The following STX8 variants were observed in gnomAD, a reference collection of about 807,000 sequenced individuals.
STX8 encodes the protein syntaxin-8.
Under a neutral mutation model 37.5 loss-of-function variants are expected in STX8, and 23 were observed. That is an observed-to-expected ratio of 0.61 (90% CI 0.44 to 0.87). The LOEUF is 0.87. Ranked by LOEUF, STX8 falls within the 40% of genes least tolerant of loss-of-function variation. The pLI, the probability that STX8 is intolerant of heterozygous loss-of-function variation, is 0.00. For missense variants in STX8, 313 were observed against 284.7 expected (o/e 1.10, Z -0.71); for synonymous variants, 115 against 99.1 (o/e 1.16, Z -0.95).
chr17:9,271,748 C>CAAA lies in STX8; in HGVS notation c.644-21106_644-21104dup, dbSNP rs71135959. ...CTGGCTATAGAGCAAGACTCCATCT[C>CAAA]AAAAAAAAAAAAAAAAAAAAGAAAG... On this transcript the variant is annotated intron_variant, in intron 7 of 7. Transcript: ENST00000306357. 7.1e-3 allele frequency among the ~76,000 whole-genome samples: 453 copies of CAAA among 63,424 alleles called. 3 individuals carry two copies. The highest frequency in any genetic ancestry group is 0.038 in the Middle Eastern group (4 of 106). The allele number at this position is 63,424 out of a possible 152,430, so 41.6% of individuals were successfully genotyped here.
At chr17:9,254,413 T>A (rs948370002) in intron 7 of STX8, among the ~76,000 whole-genome samples, 1 of 152,142 alleles carries the variant, frequency 6.6e-6, no homozygotes, top group African/African-American at 2.4e-5. Context: ...AAATCTTTTT[T>A]TTTTTTGAGA....
intron 4 of STX8, among the ~76,000 whole-genome samples, chr17:9,510,431 A>G (rs1479502571): frequency 6.6e-6 from 1 of 152,150 alleles, no homozygotes; most frequent in Non-Finnish European, 1.5e-5. Context: ...CAAGTATCCT[A>G]TTTAACCACA....
intron 4 of STX8, among the ~76,000 whole-genome samples, chr17:9,512,746 T>A (rs564475096): frequency 1.5e-4 from 23 of 152,288 alleles, no homozygotes; most frequent in African/African-American, 5.5e-4. Flanking sequence ...AGCCTACTCA[T>A]TTTTAACAGA....
intron 7 of STX8, among the ~76,000 whole-genome samples, chr17:9,363,767 C>T (rs1008064389): frequency 1.3e-5 from 2 of 152,198 alleles, no homozygotes; most frequent in African/African-American, 4.8e-5. Flanking sequence ...AAAGATTCTA[C>T]TCTGTGATCA....
At chr17:9,323,899 G>A (rs1391698705) in intron 7 of STX8, among the ~76,000 whole-genome samples, 1 of 152,152 alleles carries the variant, frequency 6.6e-6, no homozygotes, top group Non-Finnish European at 1.5e-5. Flanking sequence ...GCACGCAGGT[G>A]CTGGAGGTGA....
chr17:9,337,359 T>TA (rs1371756572), intron 7 of STX8, among the ~76,000 whole-genome samples: 1 of 151,974 alleles, frequency 6.6e-6, no homozygotes. Flanking sequence ...AGGGACCACT[T>TA]ACTCTCCTCT....
intron 7 of STX8, among the ~76,000 whole-genome samples, chr17:9,338,437 TAATTCCTTACTCATTTCA>T (rs1241245533): frequency 6.6e-6 from 1 of 152,086 alleles, no homozygotes; most frequent in East Asian, 1.9e-4. Context: ...CACTCCTGAG[TAATTCCTTACTCATTTCA>T]AACTACCAAG....
chr17:9,354,734 C>G (rs1350022899), intron 7 of STX8, among the ~76,000 whole-genome samples: 1 of 152,146 alleles, frequency 6.6e-6, no homozygotes, highest in Non-Finnish European at 1.5e-5. Context: ...CCTACTAAAT[C>G]TCATAACCTT....
chr17:9,470,984 C>T (rs1014850677), intron 6 of STX8, among the ~76,000 whole-genome samples: 13 of 146,652 alleles, frequency 8.9e-5, no homozygotes, highest in African/African-American at 3.0e-4. Context: ...CCACCTGCCT[C>T]GGCCTCCCAA....
intron 3 of STX8, among the ~76,000 whole-genome samples, chr17:9,546,683 C>T (rs112698256): frequency 6.9e-6 from 1 of 145,650 alleles, no homozygotes; most frequent in Admixed American, 7.1e-5. Flanking sequence ...CTGCAACCTC[C>T]GCCACCCGGG....
At chr17:9,422,973 G>A (rs1913497273) in intron 6 of STX8, among the ~76,000 whole-genome samples, 1 of 152,218 alleles carries the variant, frequency 6.6e-6, no homozygotes, top group Non-Finnish European at 1.5e-5. Flanking sequence ...CTCCTCAGAA[G>A]AATCAGGTAA....
intron 4 of STX8, among the ~76,000 whole-genome samples, chr17:9,516,298 C>CATATATATATATATATATAT (rs150682084): frequency 1.9e-5 from 1 of 51,718 alleles, no homozygotes; most frequent in African/African-American, 5.9e-5. Flanking sequence ...GAACCACAGT[C>CATATATATATATATATATAT]ATATATATAT....
intron 6 of STX8, among the ~76,000 whole-genome samples, chr17:9,386,902 T>C (rs1292475045): frequency 6.6e-6 from 1 of 152,162 alleles, no homozygotes; most frequent in African/African-American, 2.4e-5. Context: ...AGAGTTTCAC[T>C]CTTGTTGCCC....
intron 6 of STX8, among the ~76,000 whole-genome samples, chr17:9,439,073 T>G (rs941296929): frequency 1.3e-5 from 2 of 152,216 alleles, no homozygotes; most frequent in Admixed American, 6.5e-5. Context: ...GCTTTTGATT[T>G]TTTTTCAACC....
At chr17:9,473,709 A>C (rs1421330029) in intron 6 of STX8, among the ~76,000 whole-genome samples, 1 of 152,194 alleles carries the variant, frequency 6.6e-6, no homozygotes, top group African/African-American at 2.4e-5. Context: ...ATGGATGCGG[A>C]ACCCACAGAT....
At chr17:9,419,503 G>C (rs996021030) in intron 6 of STX8, among the ~76,000 whole-genome samples, 4 of 152,184 alleles carry the variant, frequency 2.6e-5, no homozygotes. Flanking sequence ...GAACCAGTTG[G>C]ATCATTCACA....
chr17:9,397,194 G>C (rs1319424886), intron 6 of STX8, among the ~76,000 whole-genome samples: 3 of 152,154 alleles, frequency 2.0e-5, no homozygotes, highest in Non-Finnish European at 4.4e-5. Context: ...TCAGGAGTTC[G>C]AGACCAGCCT....
intron 7 of STX8, among the ~76,000 whole-genome samples, chr17:9,376,756 G>T (rs7213209): frequency 0.45 from 68,944 of 151,912 alleles, 16,762 homozygotes; most frequent in African/African-American, 0.62. Flanking sequence ...TCTGAACATC[G>T]GAAGGAACAA....
chr17:9,484,850 C>T (rs552475566), intron 6 of STX8, among the ~76,000 whole-genome samples: 2 of 151,972 alleles, frequency 1.3e-5, no homozygotes, highest in East Asian at 1.9e-4. Context: ...GTGTCAGAGG[C>T]CAGGCCCAGC....
Sources: gnomAD v4.1 joint callset for allele counts (sites outside exome capture counted in the v4.1 genomes callset) on GRCh38, gnomAD v4.1.1 for gene constraint, MANE v1.5 for transcripts, NCBI Gene and HGNC (gene_info 2026-07-23, HGNC 2026-07-21) for gene names.